Variants in TSPAN8 observed in about 807,000 individuals in gnomAD.
The protein encoded by TSPAN8 is tetraspanin-8.
A neutral mutation model predicts 32.8 loss-of-function variants in TSPAN8; 21 were observed. The ratio of observed to expected loss-of-function variants is 0.64; its 90% CI spans 0.45 to 0.92. The LOEUF is 0.92. Ranked by LOEUF, TSPAN8 falls within the 40% of genes least tolerant of loss-of-function variation. The pLI is 0.00. For missense variants in TSPAN8, 269 were observed against 281.9 expected, an observed-to-expected ratio of 0.95 and a Z score of 0.33; for synonymous variants, 95 against 94.6, an observed-to-expected ratio of 1.00 and a Z score of -0.03.
Position 71,144,131 on chromosome 12 carries a change from A to T in TSPAN8, c.123+20T>A, listed in dbSNP as rs766584370. The T allele has an allele frequency of 6.2e-7, 1 of 1,605,048 alleles. No homozygotes were observed. On this transcript the variant is annotated intron_variant, in intron 3 of 8. Coordinates refer to ENST00000247829, the MANE Select transcript of TSPAN8 (RefSeq NM_004616.3). ...AATAAACTACATTGGGGAAAGGGTGACTTGTTTTTGCATACTTACTGCTTG... is the reference window on the plus strand; with the variant it reads ...AATAAACTACATTGGGGAAAGGGTGTCTTGTTTTTGCATACTTACTGCTTG...
chr12:71,130,149 T>C (rs1345531608), intron 7 of TSPAN8, among the ~76,000 whole-genome samples: 2 of 152,066 alleles, frequency 1.3e-5, no homozygotes, highest in African/African-American at 4.8e-5. Context: ...AGACATGGTT[T>C]TGCCATATTG....
At chr12:71,136,359 C>T (rs968935003) in intron 6 of TSPAN8, among the ~76,000 whole-genome samples, 1 of 152,138 alleles carries the variant, frequency 6.6e-6, no homozygotes, top group Non-Finnish European at 1.5e-5. Flanking sequence ...AATTAGTAAA[C>T]TTTCACCTCT....
intron 4 of TSPAN8, among the ~76,000 whole-genome samples, chr12:71,138,431 C>T (rs1173711663): frequency 6.6e-6 from 1 of 152,038 alleles, no homozygotes; most frequent in Non-Finnish European, 1.5e-5. Context: ...AGAGACTGAT[C>T]GAGGAAAGTG....
chr12:71,151,131 T>C (rs1592410514), intron 2 of TSPAN8, among the ~76,000 whole-genome samples: 1 of 151,804 alleles, frequency 6.6e-6, no homozygotes, highest in African/African-American at 2.4e-5. Context: ...TGGCGCGATC[T>C]TGGCTCACTA....
At chr12:71,154,346 A>ATAATAG (rs1365605617) in intron 2 of TSPAN8, among the ~76,000 whole-genome samples, 1 of 148,884 alleles carries the variant, frequency 6.7e-6, no homozygotes, top group Non-Finnish European at 1.5e-5. Context: ...AATAATAATA[A>ATAATAG]TAATAATAAT....
chr12:71,154,420 A>T (rs906543764), intron 2 of TSPAN8, among the ~76,000 whole-genome samples: 2 of 151,372 alleles, frequency 1.3e-5, no homozygotes, highest in African/African-American at 4.8e-5. Context: ...TCTACAATCT[A>T]CCCTGAACCC....
At chr12:71,155,965 T>C (rs1017718776) in intron 2 of TSPAN8, among the ~76,000 whole-genome samples, 1 of 152,050 alleles carries the variant, frequency 6.6e-6, no homozygotes, top group Non-Finnish European at 1.5e-5. Flanking sequence ...ACTCCTGACC[T>C]TGTGATCCAC....
chr12:71,136,213 C>T (rs1351694139), intron 6 of TSPAN8, among the ~76,000 whole-genome samples: 1 of 151,992 alleles, frequency 6.6e-6, no homozygotes, highest in Admixed American at 6.6e-5. Context: ...TATATAAAAG[C>T]ATCAATAATT....
At chr12:71,146,994 G>A (rs1263854537) in intron 2 of TSPAN8, among the ~76,000 whole-genome samples, 1 of 152,136 alleles carries the variant, frequency 6.6e-6, no homozygotes, top group Admixed American at 6.6e-5. Context: ...CCCAGGGAAA[G>A]GACATGTGAG....
chr12:71,157,466 C>T (rs1057171791), intron 2 of TSPAN8, 153 bp downstream of exon 2: 52 of 551,946 alleles, frequency 9.4e-5, no homozygotes, highest in Middle Eastern at 1.0e-3. Flanking sequence ...CTGAAATAAC[C>T]AAAGAAAGAA....
intron 6 of TSPAN8, among the ~76,000 whole-genome samples, chr12:71,135,500 GGAA>G (rs1054772366): frequency 1.9e-5 from 2 of 104,616 alleles, no homozygotes; most frequent in African/African-American, 3.6e-5. Flanking sequence ...GAGAAGAAAA[GGAA>G]GAAGGAGGAG....
At chr12:71,145,668 T>C (rs1872052612) in intron 2 of TSPAN8, among the ~76,000 whole-genome samples, 1 of 152,216 alleles carries the variant, frequency 6.6e-6, no homozygotes, top group Admixed American at 6.5e-5. Context: ...TTAAACAGTT[T>C]GTGAGTGATA....
Position 71,139,208 on chromosome 12 carries a change from C to A in TSPAN8, c.261+503G>T, listed in dbSNP as rs374347401. 110 of 457,180 alleles carry A rather than the reference C, an allele frequency of 2.4e-4. No homozygotes were observed. The East Asian group carries it at 6.2e-3, about 26-fold the overall frequency. 28.3% of individuals were successfully genotyped at this position (457,180 alleles called of 1,614,324 possible). A position where few individuals can be genotyped will look rare whatever the true frequency, so the allele number is the denominator to read the frequency against. The stretch of plus-strand genomic sequence containing the variant: ...CAGTTTTGCCGGTCTCCTGCCATAC[C>A]CAAGGCTTCTCAGTTCCCAAACACA... On this transcript the variant is annotated intron_variant, in intron 4 of 8. Transcript: ENST00000247829.
intron 2 of TSPAN8, among the ~76,000 whole-genome samples, chr12:71,148,263 G>A (rs1192081376): frequency 2.0e-5 from 3 of 152,118 alleles, no homozygotes; most frequent in African/African-American, 7.2e-5. Flanking sequence ...GTGAATACCT[G>A]AAGATCTCTT....
Position 71,137,977 on chromosome 12 carries a change from T to A in TSPAN8, c.420A>T (p.Glu140Asp). The A allele has an allele frequency of 7.4e-6, 12 of 1,613,760 alleles. No individual in the cohort carries two copies. Among genetic ancestry groups the A allele is most frequent in the Non-Finnish European group, 1.0e-5 (12 of 1,179,944 alleles). The change falls in exon 6 of 9, where the codon GAA becomes GAT. Residue 140 changes from glutamate (E) to aspartate (D), a missense_variant. Physicochemically the swap from Glu to Asp is conservative, Grantham distance 45. Coordinates refer to ENST00000247829, the MANE Select transcript of TSPAN8 (RefSeq NM_004616.3). ...CCTCTTCTTGAAACACAATTATGGC[T>A]TCCTGGAATTGTTTTTCACTTTCCC... Reference protein sequence around the residue: ...ATGESEKQFQEAIIVFQEEFK... With the variant: ...ATGESEKQFQDAIIVFQEEFK...
intron 3 of TSPAN8, among the ~76,000 whole-genome samples, chr12:71,143,397 C>G (rs1246948852): frequency 3.3e-5 from 5 of 152,154 alleles, no homozygotes; most frequent in Non-Finnish European, 7.3e-5. Flanking sequence ...GAACAGATAC[C>G]ACACGTATGG....
Position 71,125,225 on chromosome 12 carries a change from A to T in TSPAN8, c.*109T>A. 1 of 916,264 alleles carries T rather than the reference A, an allele frequency of 1.1e-6. No homozygotes were observed. Among genetic ancestry groups the T allele is most frequent in the Non-Finnish European group, 1.7e-6 (1 of 593,812 alleles). 56.8% of individuals were successfully genotyped at this position (916,264 alleles called of 1,614,324 possible). On this transcript the variant is annotated 3_prime_UTR_variant, in exon 9 of 9. Coordinates refer to ENST00000247829, the MANE Select transcript of TSPAN8 (RefSeq NM_004616.3). ...GTGGTCTAGCTAGCCGAGACATTTT[A>T]AAAAGACAGCTGCTCCTGACTTATA...
intron 8 of TSPAN8, among the ~76,000 whole-genome samples, chr12:71,128,477 C>G (rs1871410566): frequency 6.6e-6 from 1 of 152,134 alleles, no homozygotes; most frequent in South Asian, 2.1e-4. Context: ...CAGGGAGACA[C>G]TTCACATTCT....
chr12:71,156,917 T>C (rs1798085), intron 2 of TSPAN8: 97,005 of 152,106 alleles, frequency 0.64, 33,056 homozygotes, highest in African/African-American at 0.88. Context: ...TTCCATTATC[T>C]ATTGATAGAT....
Sources: allele counts gnomAD v4.1 joint callset (sites outside exome capture counted in the v4.1 genomes callset), GRCh38; gene constraint gnomAD v4.1.1; transcripts MANE v1.5; gene names NCBI Gene and HGNC (gene_info 2026-07-23, HGNC 2026-07-21).